The following CTNNA2 variants were observed in gnomAD, a reference collection of about 807,000 sequenced individuals.
CTNNA2 encodes the protein catenin alpha 2, also known as catenin alpha-2.
Under a neutral mutation model 101.0 loss-of-function variants are expected in CTNNA2, and 42 were observed. The ratio of observed to expected loss-of-function variants is 0.42; its 90% CI spans 0.32 to 0.54. The LOEUF (loss-of-function observed/expected upper bound fraction) is 0.54. Ranked by LOEUF, CTNNA2 falls within the 20% of genes least tolerant of loss-of-function variation. The probability of loss-of-function intolerance (pLI) is 0.14; values close to 1 mark genes in which losing one functional copy is unlikely to be tolerated. For synonymous variants in CTNNA2, 450 were observed against 456.4 expected, an observed-to-expected ratio of 0.99 and a Z score of 0.18; for missense variants, 871 against 1,223.1, an observed-to-expected ratio of 0.71 and a Z score of 4.29.
At chr2:79,633,454 C>A (rs1679824156) in intron 1 of CTNNA2, among the ~76,000 whole-genome samples, 2 of 152,154 alleles carry the variant, frequency 1.3e-5, no homozygotes, top group South Asian at 4.1e-4. Flanking sequence ...ACATATTTTA[C>A]ATAGGATAAT....
At chr2:79,613,024 T>C (rs1678383067) in intron 1 of CTNNA2, among the ~76,000 whole-genome samples, 1 of 152,282 alleles carries the variant, frequency 6.6e-6, no homozygotes, top group Admixed American at 6.5e-5. Flanking sequence ...CATAGTATTC[T>C]CCTCTCTTAC....
At chr2:80,620,359 C>T (rs970493414) in intron 18 of CTNNA2, among the ~76,000 whole-genome samples, 4 of 151,602 alleles carry the variant, frequency 2.6e-5, no homozygotes, top group Admixed American at 6.6e-5. Flanking sequence ...GTCTCATCAA[C>T]GGCTTCTTTG....
chr2:79,309,099 C>G (rs1676309981), intron 2 of CTNNA2, among the ~76,000 whole-genome samples: 1 of 152,004 alleles, frequency 6.6e-6, no homozygotes, highest in African/African-American at 2.4e-5. Flanking sequence ...CTCTCTGTGA[C>G]CCATTTCTAC....
At chr2:79,688,916 T>C (rs969551203) in intron 2 of CTNNA2, among the ~76,000 whole-genome samples, 1 of 151,974 alleles carries the variant, frequency 6.6e-6, no homozygotes, top group African/African-American at 2.4e-5. Context: ...GCACATAGCA[T>C]GGTGGCTTGT....
intron 2 of CTNNA2, among the ~76,000 whole-genome samples, chr2:79,280,623 C>CTGTGTGTGTGTGTGTGTG (rs369268407): frequency 7.5e-4 from 97 of 129,186 alleles, no homozygotes; most frequent in African/African-American, 2.6e-3. Flanking sequence ...ATCCTGTATG[C>CTGTGTGTGTGTGTGTGTG]TGTGTGTGTG....
chr2:80,448,454 C>T (rs1683236045), intron 9 of CTNNA2, among the ~76,000 whole-genome samples: 1 of 152,144 alleles, frequency 6.6e-6, no homozygotes. Context: ...CTTTGTTTCG[C>T]CTAGCCTGTG....
chr2:79,797,232 A>C (rs534766932), intron 3 of CTNNA2, among the ~76,000 whole-genome samples: 25 of 152,134 alleles, frequency 1.6e-4, no homozygotes, highest in Non-Finnish European at 2.8e-4. Flanking sequence ...AGTCAGGTGG[A>C]AGGTGGGTAG....
At chr2:79,344,653 C>T (rs987963242) in intron 3 of CTNNA2, among the ~76,000 whole-genome samples, 1 of 151,702 alleles carries the variant, frequency 6.6e-6, no homozygotes, top group Non-Finnish European at 1.5e-5. Context: ...AAATTCAGTC[C>T]TTCTAGATTA....
rs940936690 is a variant in CTNNA2 at position 79,330,539 on chromosome 2, C to T, written c.-318+17743C>T. Reference sequence around the variant, plus strand: ...AAGAGGTAACAAGAAAAAGCCACCCCTGGCTGGGTGATATAGTTTGGCTGT... The same window carrying T: ...AAGAGGTAACAAGAAAAAGCCACCCTTGGCTGGGTGATATAGTTTGGCTGT... On this transcript the variant is annotated intron_variant, in intron 3 of 21. Transcript: ENST00000466387. Among the ~76,000 whole-genome samples the T allele has an allele frequency of 3.3e-5, 5 of 152,146 alleles. No homozygotes were observed. The East Asian group carries it at 7.7e-4, about 24-fold the overall frequency.
intron 7 of CTNNA2, among the ~76,000 whole-genome samples, chr2:80,097,568 A>G (rs994431168): frequency 3.9e-5 from 6 of 151,978 alleles, no homozygotes; most frequent in East Asian, 3.9e-4. Context: ...CCTAGATTGG[A>G]GAAGTTCTCC....
In CTNNA2 at chr2:79,909,630, G is replaced by A; in HGVS notation, c.889G>A (p.Ala297Thr). The change falls in exon 7 of 19, where the codon GCC (alanine) becomes ACC (threonine). Residue 297 changes from alanine to threonine, a missense_variant. Physicochemically the swap from Ala to Thr is moderately conservative, Grantham distance 58. Around this residue, in one of 5 missense-constraint regions of CTNNA2, gnomAD observed 647 missense variants for 831.5 expected, o/e 0.78. Coordinates refer to ENST00000402739, the MANE Select transcript of CTNNA2 (RefSeq NM_001282597.3). ...IILDPMTFSE[A>T]RFRPSLEERL... ...CCTGGACCCCATGACGTTCAGCGAG[G>A]CCAGGTTCCGGCCGTCCCTGGAGGA... The A allele has an allele frequency of 6.2e-7, 1 of 1,612,944 alleles. No homozygotes were observed. Among genetic ancestry groups the A allele is most frequent in the Non-Finnish European group, 8.5e-7 (1 of 1,179,114 alleles).
chr2:79,489,522 G>A (rs1378322948), intron 4 of CTNNA2, among the ~76,000 whole-genome samples: 1 of 152,120 alleles, frequency 6.6e-6, no homozygotes, highest in African/African-American at 2.4e-5. Flanking sequence ...AGGGCTTTCT[G>A]GTAAGCAGGG....
intron 8 of CTNNA2, among the ~76,000 whole-genome samples, chr2:80,414,573 T>C (rs576983298): frequency 1.3e-5 from 2 of 152,290 alleles, no homozygotes; most frequent in African/African-American, 4.8e-5. Context: ...TTTCAAAGAA[T>C]ACTTTCCTCC....
At chr2:80,096,035 C>T (rs556942033) in intron 7 of CTNNA2, among the ~76,000 whole-genome samples, 114 of 151,796 alleles carry the variant, frequency 7.5e-4, no homozygotes, top group African/African-American at 2.6e-3. Context: ...TTATTTCTTG[C>T]CTTCTGCTAG....
chr2:79,310,222 G>T (rs982344937), intron 2 of CTNNA2, among the ~76,000 whole-genome samples: 2 of 152,080 alleles, frequency 1.3e-5, no homozygotes, highest in African/African-American at 2.4e-5. Context: ...GTATTAGTCG[G>T]AACTTCCAAT....
chr2:79,815,513 A>G (rs994223356), intron 3 of CTNNA2, among the ~76,000 whole-genome samples: 1 of 152,186 alleles, frequency 6.6e-6, no homozygotes, highest in Non-Finnish European at 1.5e-5. Context: ...TTTGTTGAAA[A>G]GAATGTCCTT....
At position 79,380,180 on chromosome 2, in the gene CTNNA2, C is replaced by A. The variant is rs140666951; in HGVS notation, c.-135+6167C>A. ...ATAAAGAGCCTCCCAGGCACTTGTG[C>A]CTCAGAGTCTTGTTTAGAGAAAAAG... On this transcript the variant is annotated intron_variant, in intron 4 of 21. Coordinates refer to the CTNNA2 transcript ENST00000466387. 2.4e-4 allele frequency among the ~76,000 whole-genome samples: 37 copies of A among 152,078 alleles called. 2 individuals carry two copies. The East Asian group carries it at 6.8e-3, about 28-fold the overall frequency.
At chr2:79,849,508 C>T (rs1285265241) in intron 3 of CTNNA2, among the ~76,000 whole-genome samples, 2 of 152,056 alleles carry the variant, frequency 1.3e-5, no homozygotes, top group African/African-American at 4.8e-5. Context: ...GAGAAAAATT[C>T]TGATTGTTGA....
chr2:80,513,322 C>T (rs1688859074), intron 9 of CTNNA2, among the ~76,000 whole-genome samples: 1 of 152,182 alleles, frequency 6.6e-6, no homozygotes, highest in Non-Finnish European at 1.5e-5. Flanking sequence ...AGATACAGCC[C>T]CAGTTTCTTT....
Sources: allele counts gnomAD v4.1 joint callset (sites outside exome capture counted in the v4.1 genomes callset), GRCh38; gene constraint gnomAD v4.1.1; regional missense constraint gnomAD v4.1.1; transcripts MANE v1.5; gene names NCBI Gene and HGNC (gene_info 2026-07-23, HGNC 2026-07-21).